Variants in ST18 observed in about 807,000 individuals in gnomAD.
ST18 encodes suppression of tumorigenicity 18 protein.
ST18 carries 50 observed loss-of-function variants against 110.0 expected under a neutral mutation model. The observed-to-expected ratio is 0.45, with a 90% CI of 0.36 to 0.58. The LOEUF is 0.58. Among genes scored for constraint, ST18 ranks in the 20% least tolerant of loss-of-function variants. The pLI, the probability that ST18 is intolerant of heterozygous loss-of-function variation, is 0.00. For missense variants in ST18, 1,306 were observed against 1,280.1 expected, an observed-to-expected ratio of 1.02 and a Z score of -0.31; for synonymous variants, 461 against 452.4, an observed-to-expected ratio of 1.02 and a Z score of -0.24.
chr8:52,123,509 G>A (rs1252942703), intron 23 of ST18, among the ~76,000 whole-genome samples: 1 of 152,132 alleles, frequency 6.6e-6, no homozygotes, highest in Admixed American at 6.6e-5. Context: ...AATCCAGGTG[G>A]CCTTTTTCTC....
At chr8:52,380,630 T>C (rs1370877771) in intron 2 of ST18, among the ~76,000 whole-genome samples, 1 of 152,090 alleles carries the variant, frequency 6.6e-6, no homozygotes, top group Non-Finnish European at 1.5e-5. Flanking sequence ...CAGTTAGAAA[T>C]ATCTTCCCAT....
chr8:52,343,112 G>A (rs1375979496), intron 2 of ST18, among the ~76,000 whole-genome samples: 3 of 152,096 alleles, frequency 2.0e-5, no homozygotes, highest in Non-Finnish European at 4.4e-5. Context: ...TGAGGAAGAG[G>A]TGCCTATCAT....
chr8:52,181,945 CCTCTT>C (rs2069814713), intron 8 of ST18, among the ~76,000 whole-genome samples: 1 of 151,960 alleles, frequency 6.6e-6, no homozygotes, highest in Non-Finnish European at 1.5e-5. Context: ...ACTCTAGGAA[CCTCTT>C]GAACCTCCTG....
chr8:52,117,233 T>C (rs975322152), intron 24 of ST18, among the ~76,000 whole-genome samples: 1 of 152,168 alleles, frequency 6.6e-6, no homozygotes, highest in Non-Finnish European at 1.5e-5. Context: ...ATGAGCACTT[T>C]TGCGCTTGCA....
intron 2 of ST18, among the ~76,000 whole-genome samples, chr8:52,268,010 G>A (rs1171137479): frequency 6.6e-6 from 1 of 152,192 alleles, no homozygotes; most frequent in Admixed American, 6.5e-5. Flanking sequence ...AAATATGAAC[G>A]TGGTGACTTA....
chr8:52,383,563 C>T (rs1261507113), intron 2 of ST18, among the ~76,000 whole-genome samples: 2 of 151,602 alleles, frequency 1.3e-5, no homozygotes, highest in Non-Finnish European at 2.9e-5. Context: ...ATTCTCCTGC[C>T]TCAGCCTCCT....
intron 2 of ST18, among the ~76,000 whole-genome samples, chr8:52,371,837 C>G (rs1830383643): frequency 6.6e-6 from 1 of 152,170 alleles, no homozygotes; most frequent in Non-Finnish European, 1.5e-5. Context: ...CTGGAGTAAG[C>G]AACCCTACTG....
At chr8:52,177,263 G>A (rs549241866) in intron 9 of ST18, among the ~76,000 whole-genome samples, 2 of 152,306 alleles carry the variant, frequency 1.3e-5, no homozygotes, top group South Asian at 2.1e-4. Context: ...TCCCCTTAAC[G>A]GCAACCTGTA....
At chr8:52,288,658 C>G (rs1231899484) in intron 2 of ST18, among the ~76,000 whole-genome samples, 1 of 150,144 alleles carries the variant, frequency 6.7e-6, no homozygotes, top group Admixed American at 6.6e-5. Context: ...CGCACCACTG[C>G]ACTCCAGTCT....
chr8:52,214,414 C>A (rs1011311064), intron 6 of ST18, 157 bp from the exon 7 acceptor site: 3 of 626,946 alleles, frequency 4.8e-6, no homozygotes, highest in Admixed American at 2.9e-5. Flanking sequence ...GTGACTCCCC[C>A]CACATACCAC....
At chr8:52,301,419 A>G (rs2095719425) in intron 2 of ST18, among the ~76,000 whole-genome samples, 2 of 152,224 alleles carry the variant, frequency 1.3e-5, no homozygotes, top group African/African-American at 4.8e-5. Flanking sequence ...CAGTATTAAG[A>G]TATTTATTAA....
rs555066066 is a variant in ST18, at chr8:52,137,996, A to G, written c.2169-513T>C. ...CATGCCTGTAATCCCAGCTACTCGG[A>G]GGCTGAGGCAGGAGAATCGGCTGAA... On this transcript the variant is annotated intron_variant, in intron 17 of 25. Coordinates refer to ENST00000689386, the MANE Select transcript of ST18 (RefSeq NM_001352837.2). Among the ~76,000 whole-genome samples, 5 of 149,030 alleles carry G rather than the reference A, an allele frequency of 3.4e-5. No individual in the cohort carries two copies. The South Asian group carries it at 8.8e-4, about 26-fold the overall frequency.
intron 9 of ST18, among the ~76,000 whole-genome samples, chr8:52,176,703 C>G (rs1335240882): frequency 6.6e-6 from 1 of 152,206 alleles, no homozygotes; most frequent in African/African-American, 2.4e-5. Context: ...CCTACAGATA[C>G]ATACTAATGA....
intron 2 of ST18, among the ~76,000 whole-genome samples, chr8:52,303,237 G>A (rs2095757928): frequency 6.6e-6 from 1 of 152,232 alleles, no homozygotes; most frequent in South Asian, 2.1e-4. Context: ...ACACTGCCTT[G>A]CCATTTCTTG....
At chr8:52,336,696 C>T (rs1812247805) in intron 2 of ST18, among the ~76,000 whole-genome samples, 1 of 152,176 alleles carries the variant, frequency 6.6e-6, no homozygotes, top group Non-Finnish European at 1.5e-5. Context: ...TGACGTCTTG[C>T]TTCCTAGCTT....
intron 2 of ST18, among the ~76,000 whole-genome samples, chr8:52,307,056 C>T (rs556560092): frequency 2.0e-5 from 3 of 152,040 alleles, no homozygotes; most frequent in African/African-American, 4.8e-5. Context: ...TTTGGGCTCA[C>T]GCCTGTAACC....
At chr8:52,294,060 C>T (rs1231476574) in intron 2 of ST18, among the ~76,000 whole-genome samples, 6 of 152,130 alleles carry the variant, frequency 3.9e-5, no homozygotes, top group Non-Finnish European at 1.5e-5. Flanking sequence ...TGACTTAAAG[C>T]GACCAGTGAG....
chr8:52,325,272 T>A (rs1805784833), intron 2 of ST18, among the ~76,000 whole-genome samples: 2 of 152,208 alleles, frequency 1.3e-5, no homozygotes, highest in Admixed American at 1.3e-4. Context: ...TAATTTGATG[T>A]AGCTCCAAGT....
At chr8:52,329,969 C>T (rs1195056039) in intron 2 of ST18, among the ~76,000 whole-genome samples, 2 of 152,100 alleles carry the variant, frequency 1.3e-5, no homozygotes, top group African/African-American at 2.4e-5. Context: ...TGGAGTGCCA[C>T]GGTGGGCTCC....
Sources: gnomAD v4.1 joint callset for allele counts (sites outside exome capture counted in the v4.1 genomes callset) on GRCh38, gnomAD v4.1.1 for gene constraint, MANE v1.5 for transcripts, NCBI Gene and HGNC (gene_info 2026-07-23, HGNC 2026-07-21) for gene names.